SEM1: variants seen among roughly 807,000 people sequenced by gnomAD.
The protein encoded by SEM1 is SEM1 26S proteasome subunit.
SEM1 carries 3 observed loss-of-function variants against 12.7 expected under a neutral mutation model. The observed-to-expected ratio is 0.24, with a 90% CI of 0.11 to 0.61. The LOEUF (loss-of-function observed/expected upper bound fraction) is 0.61. SEM1 is among the 20% of genes least tolerant of loss of function. The probability of loss-of-function intolerance (pLI) is 0.88; values close to 1 mark genes in which losing one functional copy is unlikely to be tolerated. For missense variants in SEM1, 59 were observed against 81.3 expected (o/e 0.73, Z 1.06); for synonymous variants, 30 against 27.8 (o/e 1.08, Z -0.25).
At chr7:96,670,744 T>C (rs1789292846), downstream of SEM1, among the ~76,000 whole-genome samples, 1 of 152,234 alleles carries the variant, frequency 6.6e-6, no homozygotes, top group South Asian at 2.1e-4. Context: ...ATTATTAAAA[T>C]GGTAGAACAG....
chr7:96,579,780 A>C (rs1563069681), intron 2 of SEM1, among the ~76,000 whole-genome samples: 1 of 152,114 alleles, frequency 6.6e-6, no homozygotes, highest in Non-Finnish European at 1.5e-5. Context: ...TTAGAACTAT[A>C]TACACCCTTT....
intron 2 of SEM1, chr7:96,650,241 C>T (rs1808929246): frequency 2.5e-6 from 1 of 405,900 alleles, no homozygotes; most frequent in Non-Finnish European, 4.3e-6. Context: ...TCTTGAAAAA[C>T]TAAGGATCAA....
rs139228651 is a variant in SEM1, at chr7:96,514,603, C to G, written c.171-7905G>C. On this transcript the variant is annotated intron_variant and NMD_transcript_variant, in intron 2 of 3. Transcript: ENST00000466986. Reference sequence around the variant, plus strand: ...GTTAATATACAAGTCAGTCACTTTCCTATATACCAGCAACGAACAAGTAAA... The same window carrying G: ...GTTAATATACAAGTCAGTCACTTTCGTATATACCAGCAACGAACAAGTAAA... Among the ~76,000 whole-genome samples the G allele has an allele frequency of 3.6e-3, 551 of 152,114 alleles. 5 individuals carry two copies. Among genetic ancestry groups the G allele is most frequent in the African/African-American group, 0.012 (517 of 41,532 alleles).
chr7:96,503,632 C>T (rs1460978838), intron 3 of SEM1: 1 of 152,052 alleles, frequency 6.6e-6, no homozygotes, highest in Non-Finnish European at 1.5e-5. Flanking sequence ...CACAGGGTTT[C>T]CTACACCTTA....
chr7:96,615,499 C>T (rs1807687259), intron 2 of SEM1, among the ~76,000 whole-genome samples: 2 of 152,070 alleles, frequency 1.3e-5, no homozygotes, highest in African/African-American at 2.4e-5. Context: ...AGGTAATCTG[C>T]CCGCCTCAGC....
chr7:96,592,508 A>C (rs1290057578), intron 2 of SEM1, among the ~76,000 whole-genome samples: 2 of 151,846 alleles, frequency 1.3e-5, no homozygotes, highest in South Asian at 2.1e-4. Flanking sequence ...TTATTTATTG[A>C]GAATATTTAT....
chr7:96,706,594 A>AAAAG (rs1563122448), intron 1 of SEM1, among the ~76,000 whole-genome samples: 69 of 123,478 alleles, frequency 5.6e-4, no homozygotes, highest in African/African-American at 1.5e-3. Context: ...AAAAAAAAAA[A>AAAAG]AGAGAGAGAG....
At chr7:96,575,635 G>T (rs999889384) in intron 2 of SEM1, among the ~76,000 whole-genome samples, 1 of 152,192 alleles carries the variant, frequency 6.6e-6, no homozygotes, top group Admixed American at 6.5e-5. Context: ...CCTGACTGGG[G>T]GTGCTGCCTT....
chr7:96,685,157 A>C (rs138429136), downstream of SEM1, among the ~76,000 whole-genome samples: 1 of 152,140 alleles, frequency 6.6e-6, no homozygotes, highest in African/African-American at 2.4e-5. Flanking sequence ...CATTATTAAT[A>C]TAACATTCAA....
intron 2 of SEM1, among the ~76,000 whole-genome samples, chr7:96,524,864 C>T (rs62470052): frequency 0.059 from 8,922 of 152,134 alleles, 396 homozygotes; most frequent in Non-Finnish European, 0.092. Context: ...CAGATTTATA[C>T]CAAGTTGTTC....
intron 2 of SEM1, among the ~76,000 whole-genome samples, chr7:96,681,046 T>G (rs960890908): frequency 6.6e-6 from 1 of 152,116 alleles, no homozygotes; most frequent in African/African-American, 2.4e-5. Context: ...GAACAACTGG[T>G]GCAAAATCAC....
At chr7:96,613,222 G>A (rs1196660630) in intron 2 of SEM1, among the ~76,000 whole-genome samples, 1 of 152,086 alleles carries the variant, frequency 6.6e-6, no homozygotes, top group Non-Finnish European at 1.5e-5. Flanking sequence ...CTTGTCTATA[G>A]ACATAAAAAT....
intron 1 of SEM1, among the ~76,000 whole-genome samples, chr7:96,708,487 T>C (rs1208589948): frequency 6.6e-6 from 1 of 152,238 alleles, no homozygotes; most frequent in Non-Finnish European, 1.5e-5. Context: ...AATTGCTTGA[T>C]GCAACAGGAT....
rs932222050 is a variant in SEM1, at chr7:96,650,327, C to T, written c.171-27684G>A. 5 of 504,806 alleles carry T rather than the reference C, an allele frequency of 9.9e-6. No homozygotes were observed. The Admixed American group carries it at 1.8e-4, about 18-fold the overall frequency. 31.3% of individuals were successfully genotyped at this position (504,806 alleles called of 1,614,324 possible). On this transcript the variant is annotated intron_variant, in intron 2 of 2. Coordinates refer to the SEM1 transcript ENST00000417009. ...TCCTTCAGCTAGATGTCAGAAAAGTCCTCTTTGTCTTGTGAGTTGATGAGA... is the reference window on the plus strand; with the variant it reads ...TCCTTCAGCTAGATGTCAGAAAAGTTCTCTTTGTCTTGTGAGTTGATGAGA...
At chr7:96,580,611 C>T (rs1806363713) in intron 2 of SEM1, among the ~76,000 whole-genome samples, 1 of 151,834 alleles carries the variant, frequency 6.6e-6, no homozygotes, top group African/African-American at 2.4e-5. Flanking sequence ...TCCTATTTCT[C>T]CACATCCTCT....
intron 1 of SEM1, chr7:96,496,137 G>A: frequency 2.0e-6 from 1 of 507,962 alleles, no homozygotes. Context: ...AGAATACCCA[G>A]AGCTCGATTT....
intron 3 of SEM1, among the ~76,000 whole-genome samples, chr7:96,501,542 T>TTAATGTTAGGAATTAATGTTCC (rs1331097480): frequency 6.6e-6 from 1 of 152,144 alleles, no homozygotes; most frequent in Non-Finnish European, 1.5e-5. Context: ...AGTACATGCC[T>TTAATGTTAGGAATTAATGTTCC]TAATGTTAGG....
intron 2 of SEM1, among the ~76,000 whole-genome samples, chr7:96,625,996 A>G (rs1808049547): frequency 1.3e-5 from 2 of 152,180 alleles, no homozygotes; most frequent in Non-Finnish European, 2.9e-5. Flanking sequence ...CCCCTCAAGC[A>G]TTTATCCTTT....
intron 2 of SEM1, among the ~76,000 whole-genome samples, chr7:96,587,284 G>A (rs1020511947): frequency 1.3e-5 from 2 of 151,970 alleles, no homozygotes; most frequent in Non-Finnish European, 2.9e-5. Context: ...TTTTCTCCAT[G>A]GCATCTTTCA....
Sources: allele counts gnomAD v4.1 joint callset (sites outside exome capture counted in the v4.1 genomes callset), GRCh38; gene constraint gnomAD v4.1.1; transcripts MANE v1.5; gene names NCBI Gene and HGNC (gene_info 2026-07-23, HGNC 2026-07-21).